LIMA1: variants seen among roughly 807,000 people sequenced by gnomAD.
The protein encoded by LIMA1 is LIM domain and actin binding 1.
A neutral mutation model predicts 62.6 loss-of-function variants in LIMA1; 52 were observed. The observed-to-expected ratio is 0.83, with a 90% CI of 0.67 to 1.05. The LOEUF (loss-of-function observed/expected upper bound fraction) is 1.05. Among genes scored for constraint, LIMA1 ranks in the 50% least tolerant of loss-of-function variants. The pLI is 0.00. For missense variants in LIMA1, 780 were observed against 902.2 expected, an observed-to-expected ratio of 0.86 and a Z score of 1.74; for synonymous variants, 302 against 317.8, an observed-to-expected ratio of 0.95 and a Z score of 0.53.
chr12:50,226,590 T>A (rs1592536096), intron 3 of LIMA1, among the ~76,000 whole-genome samples: 1 of 152,104 alleles, frequency 6.6e-6, no homozygotes, highest in South Asian at 2.1e-4. Context: ...CCTGTAGTCC[T>A]GGCACTTTGG....
At chr12:50,193,014 G>A (rs1233737738) in intron 8 of LIMA1, among the ~76,000 whole-genome samples, 5 of 152,008 alleles carry the variant, frequency 3.3e-5, no homozygotes, top group Admixed American at 6.6e-5. Flanking sequence ...GCGCGCGTGC[G>A]CGCATTTGTG....
Position 50,177,164 on chromosome 12 carries a change from T to G in LIMA1, c.2180A>C (p.Gln727Pro), listed in dbSNP as rs772504802. 8.7e-6 allele frequency: 14 copies of G among 1,614,086 alleles called. 2 individuals carry two copies. The Middle Eastern group carries it at 1.6e-3, about 190-fold the overall frequency. Residue 727 changes from glutamine to proline, a missense_variant, in exon 11 of 11, where the codon CAG becomes CCG. Physicochemically the swap from Gln to Pro is moderately conservative, Grantham distance 76 (BLOSUM62 -1). Transcript: ENST00000341247. ...TTCTCCCTCCCAGAGTTCCACATCCTGGGATTTCTGATTCTGAGTAGTGAA... is the reference window on the plus strand; with the variant it reads ...TTCTCCCTCCCAGAGTTCCACATCCGGGGATTTCTGATTCTGAGTAGTGAA... Reference protein sequence around the residue: ...EEFTTQNQKSQDVELWEGEVV... With the variant: ...EEFTTQNQKSPDVELWEGEVV...
intron 1 of LIMA1, among the ~76,000 whole-genome samples, chr12:50,281,969 C>T (rs544272288): frequency 2.6e-5 from 4 of 152,302 alleles, no homozygotes; most frequent in South Asian, 2.1e-4. Flanking sequence ...ACGTTTGGCA[C>T]TTTGAATCTA....
intron 1 of LIMA1, among the ~76,000 whole-genome samples, chr12:50,265,890 T>C (rs923999649): frequency 6.6e-6 from 1 of 151,872 alleles, no homozygotes; most frequent in Admixed American, 6.6e-5. Context: ...ATCCTTCCCA[T>C]CTCCACACAG....
At chr12:50,179,501 G>C (rs575662741) in intron 10 of LIMA1, among the ~76,000 whole-genome samples, 60 of 147,102 alleles carry the variant, frequency 4.1e-4, no homozygotes, top group Non-Finnish European at 7.3e-4. Flanking sequence ...GCAGTGACAC[G>C]ATCTCAGCTC....
intron 1 of LIMA1, among the ~76,000 whole-genome samples, chr12:50,277,329 G>A (rs1024690024): frequency 2.6e-5 from 4 of 151,822 alleles, no homozygotes; most frequent in East Asian, 1.9e-4. Flanking sequence ...CTGTCCCCAG[G>A]CTCCCCTTGC....
intron 1 of LIMA1, among the ~76,000 whole-genome samples, chr12:50,252,282 A>T (rs1941940190): frequency 6.6e-6 from 1 of 152,132 alleles, no homozygotes; most frequent in South Asian, 2.1e-4. Context: ...AGAGAAGTTG[A>T]AGATAGACAA....
At chr12:50,205,501 G>A (rs962785133) in intron 5 of LIMA1, among the ~76,000 whole-genome samples, 5 of 151,996 alleles carry the variant, frequency 3.3e-5, no homozygotes, top group African/African-American at 9.7e-5. Context: ...TTTGTGAAGT[G>A]CCTGTATATG....
intron 1 of LIMA1, among the ~76,000 whole-genome samples, chr12:50,282,875 G>A (rs1942356781): frequency 6.6e-6 from 1 of 152,190 alleles, no homozygotes; most frequent in African/African-American, 2.4e-5. Flanking sequence ...TATGTCGGGG[G>A]CAAGTGCCAG....
intron 1 of LIMA1, among the ~76,000 whole-genome samples, chr12:50,260,940 A>C (rs1032053320): frequency 2.7e-5 from 4 of 150,840 alleles, no homozygotes; most frequent in Non-Finnish European, 5.9e-5. Context: ...CAAAAAAAAA[A>C]AAAAAAAAGG....
At chr12:50,231,751 A>G in intron 2 of LIMA1, 41 bp from the exon 3 acceptor site, 1 of 1,570,170 alleles carries the variant, frequency 6.4e-7, no homozygotes. Context: ...AATTAAACTT[A>G]TATTTTTACT....
chr12:50,206,183 A>ATT (rs1445450819), intron 4 of LIMA1, 115 bp from the exon 5 acceptor site: 3 of 736,600 alleles, frequency 4.1e-6, no homozygotes, highest in Non-Finnish European at 6.3e-6. Context: ...TATATTTTAT[A>ATT]TTCTATAGAA....
Position 50,274,602 on chromosome 12 carries a change from T to C in LIMA1, c.-24+8818A>G, listed in dbSNP as rs146872691. 1.4e-4 allele frequency among the ~76,000 whole-genome samples: 21 copies of C among 151,036 alleles called. No homozygotes were observed. The East Asian group carries it at 3.7e-3, about 27-fold the overall frequency. ...ATCTCAAAAAAAAAAAAGACAGACA[T>C]GGTCTCTACTCTCATGAAATTTCCA... On this transcript the variant is annotated intron_variant, in intron 1 of 10. Coordinates refer to ENST00000341247, the MANE Select transcript of LIMA1 (RefSeq NM_016357.5).
At chr12:50,260,226 C>A (rs1378126187) in intron 1 of LIMA1, among the ~76,000 whole-genome samples, 1 of 151,678 alleles carries the variant, frequency 6.6e-6, no homozygotes, top group African/African-American at 2.4e-5. Flanking sequence ...TGGCTCACTG[C>A]AACTTCCGCC....
At chr12:50,239,581 AGT>A (rs1941743562) in intron 2 of LIMA1, among the ~76,000 whole-genome samples, 1 of 152,200 alleles carries the variant, frequency 6.6e-6, no homozygotes, top group Non-Finnish European at 1.5e-5. Flanking sequence ...AGGAAGTTGC[AGT>A]GAGCCAAGAT....
At chr12:50,194,787 C>T (rs1940892029) in intron 8 of LIMA1, among the ~76,000 whole-genome samples, 1 of 151,988 alleles carries the variant, frequency 6.6e-6, no homozygotes, top group Non-Finnish European at 1.5e-5. Flanking sequence ...GTGGCTCACG[C>T]CTGTAATCCT....
intron 4 of LIMA1, among the ~76,000 whole-genome samples, chr12:50,215,556 G>A (rs944828971): frequency 2.6e-5 from 4 of 152,030 alleles, no homozygotes; most frequent in Admixed American, 1.3e-4. Flanking sequence ...TGCAAGCTCC[G>A]CCTCCCGGGT....
chr12:50,253,240 C>T (rs1941952737), intron 1 of LIMA1, among the ~76,000 whole-genome samples: 1 of 152,160 alleles, frequency 6.6e-6, no homozygotes, highest in Admixed American at 6.5e-5. Flanking sequence ...TAGGAAACTA[C>T]AAATTCAAAG....
chr12:50,267,379 C>T (rs111459457), intron 1 of LIMA1, among the ~76,000 whole-genome samples: 1 of 150,998 alleles, frequency 6.6e-6, no homozygotes, highest in African/African-American at 2.4e-5. Context: ...TCACGCCCAG[C>T]TAATTTTTGT....
Sources: allele counts gnomAD v4.1 joint callset (sites outside exome capture counted in the v4.1 genomes callset), GRCh38; gene constraint gnomAD v4.1.1; transcripts MANE v1.5; gene names NCBI Gene and HGNC (gene_info 2026-07-23, HGNC 2026-07-21).